SORCS2: variants seen among roughly 807,000 people sequenced by gnomAD.
SORCS2 encodes the protein VPS10 domain-containing receptor SorCS2.
In SORCS2, 100 loss-of-function variants were observed where a neutral mutation model predicts 141.6. That is an observed-to-expected ratio of 0.71 (90% confidence interval 0.60 to 0.83). The LOEUF (loss-of-function observed/expected upper bound fraction) is 0.83. Among genes scored for constraint, SORCS2 ranks in the 40% least tolerant of loss-of-function variants. The pLI is 0.00. For synonymous variants in SORCS2, 789 were observed against 676.9 expected (o/e 1.17, Z -2.57); for missense variants, 1,646 against 1,560.2 (o/e 1.05, Z -0.93).
chr4:7,424,612 C>T (rs1411172978), intron 2 of SORCS2, among the ~76,000 whole-genome samples: 5 of 152,186 alleles, frequency 3.3e-5, no homozygotes, highest in African/African-American at 1.2e-4. Flanking sequence ...GTGGCAGGAG[C>T]GCCCCCCTCT....
At chr4:7,506,787 T>C (rs1049886664) in intron 2 of SORCS2, among the ~76,000 whole-genome samples, 2 of 152,116 alleles carry the variant, frequency 1.3e-5, no homozygotes, top group Non-Finnish European at 2.9e-5. Context: ...TTCCTGGAGG[T>C]AGCAGACCCT....
chr4:7,676,407 G>A (rs893199447), intron 9 of SORCS2, among the ~76,000 whole-genome samples, 178 bp downstream of exon 9: 1 of 152,106 alleles, frequency 6.6e-6, no homozygotes, highest in African/African-American at 2.4e-5. Context: ...AGGCTATTAT[G>A]TAGGTATTTT....
At chr4:7,399,049 C>T (rs962759272) in intron 2 of SORCS2, among the ~76,000 whole-genome samples, 2 of 144,810 alleles carry the variant, frequency 1.4e-5, no homozygotes, top group African/African-American at 4.9e-5. Flanking sequence ...GGCATCATTG[C>T]TTTAATTTGC....
intron 1 of SORCS2, among the ~76,000 whole-genome samples, chr4:7,226,516 G>A (rs958177070): frequency 2.0e-5 from 3 of 152,178 alleles, no homozygotes; most frequent in Non-Finnish European, 4.4e-5. Flanking sequence ...GGGAATGTAT[G>A]AGGGGACTCA....
chr4:7,708,990 C>T (rs530517162), intron 14 of SORCS2, among the ~76,000 whole-genome samples: 1 of 152,332 alleles, frequency 6.6e-6, no homozygotes, highest in South Asian at 2.1e-4. Flanking sequence ...TGCCCAGTCT[C>T]GTGCCCCCGG....
chr4:7,657,952 G>A (rs1016533715), intron 5 of SORCS2, among the ~76,000 whole-genome samples: 1 of 151,772 alleles, frequency 6.6e-6, no homozygotes, highest in Non-Finnish European at 1.5e-5. Flanking sequence ...GTGAGTGGAC[G>A]AGTGATTAGT....
At chr4:7,558,378 T>G (rs796834401) in intron 3 of SORCS2, among the ~76,000 whole-genome samples, 11 of 152,172 alleles carry the variant, frequency 7.2e-5, no homozygotes, top group African/African-American at 2.7e-4. Flanking sequence ...ACCAAAAATG[T>G]ACCCAGACAT....
At chr4:7,443,769 G>C (rs554663183) in intron 2 of SORCS2, among the ~76,000 whole-genome samples, 1 of 152,218 alleles carries the variant, frequency 6.6e-6, no homozygotes, top group South Asian at 2.1e-4. Flanking sequence ...ACAGAATGCT[G>C]AACTGGCCAA....
At chr4:7,417,219 A>G (rs11728130) in intron 2 of SORCS2, among the ~76,000 whole-genome samples, 86,387 of 152,020 alleles carry the variant, frequency 0.57, 24,999 homozygotes, top group African/African-American at 0.67. Context: ...GAGTGGCATG[A>G]AGGGCGAGCT....
At chr4:7,529,310 T>A (rs1252759840) in intron 2 of SORCS2, among the ~76,000 whole-genome samples, 2 of 152,154 alleles carry the variant, frequency 1.3e-5, no homozygotes, top group Admixed American at 6.5e-5. Flanking sequence ...CCTACACCGT[T>A]GATTCTTCTT....
rs1339929013 is a variant in SORCS2 at position 7,741,225 on chromosome 4, C to G, written c.*961C>G. 3 of 398,716 alleles carry G rather than the reference C, an allele frequency of 7.5e-6. No individual in the cohort carries two copies. Among genetic ancestry groups the G allele is most frequent in the African/African-American group, 6.2e-5 (3 of 48,594 alleles). 24.7% of individuals were successfully genotyped at this position (398,716 alleles called of 1,614,324 possible). On this transcript the variant is annotated 3_prime_UTR_variant, in exon 27 of 27. Coordinates refer to ENST00000507866, the MANE Select transcript of SORCS2 (RefSeq NM_020777.3). ...CGAAGGGAACCGGGTGGAAACCAAG[C>G]TGGGAGAGGCTGAGGATGGCAGGGC...
At chr4:7,212,125 G>C (rs949012967) in intron 1 of SORCS2, among the ~76,000 whole-genome samples, 4 of 152,000 alleles carry the variant, frequency 2.6e-5, no homozygotes, top group Admixed American at 1.3e-4. Context: ...GAGGGCTGCA[G>C]AGGAAGTCTT....
At chr4:7,415,195 G>C (rs1443244136) in intron 2 of SORCS2, among the ~76,000 whole-genome samples, 1 of 152,218 alleles carries the variant, frequency 6.6e-6, no homozygotes, top group Non-Finnish European at 1.5e-5. Flanking sequence ...CCGTAAAAAT[G>C]ACCACAAACA....
At chr4:7,448,525 T>C (rs1234433230) in intron 2 of SORCS2, among the ~76,000 whole-genome samples, 2 of 140,568 alleles carry the variant, frequency 1.4e-5, no homozygotes, top group Non-Finnish European at 3.1e-5. Context: ...CCTCCCTTCC[T>C]CTCTTCCTTC....
chr4:7,313,531 G>A (rs866489866), intron 1 of SORCS2, among the ~76,000 whole-genome samples: 5 of 152,228 alleles, frequency 3.3e-5, no homozygotes, highest in Non-Finnish European at 5.9e-5. Context: ...TCCAGGCACG[G>A]GGAGGAAGGA....
chr4:7,697,996 G>C (rs896701579), intron 12 of SORCS2, among the ~76,000 whole-genome samples: 3 of 152,134 alleles, frequency 2.0e-5, no homozygotes, highest in African/African-American at 7.2e-5. Context: ...TGGCCCTCAG[G>C]GTGTGGAGAA....
chr4:7,278,755 G>A (rs150430408), intron 1 of SORCS2, among the ~76,000 whole-genome samples: 2 of 152,344 alleles, frequency 1.3e-5, no homozygotes, highest in Non-Finnish European at 2.9e-5. Flanking sequence ...TGTGTTTGCT[G>A]CCACCCAATG....
chr4:7,699,684 T>C lies in SORCS2; in HGVS notation c.1668+2410T>C, dbSNP rs564353406. On this transcript the variant is annotated intron_variant, in intron 12 of 26. Coordinates refer to ENST00000507866, the MANE Select transcript of SORCS2 (RefSeq NM_020777.3). ...AAGGGTGGGGAATCATGCTCGGGCA[T>C]GGCAGGTGGGCTTATCCACGAGGCC... Among the ~76,000 whole-genome samples, 10 of 152,184 alleles carry C rather than the reference T, an allele frequency of 6.6e-5. No homozygotes were observed. In the South Asian group the frequency reaches 2.1e-3, roughly 32 times the overall value.
intron 2 of SORCS2, among the ~76,000 whole-genome samples, chr4:7,484,051 G>A (rs1307150103): frequency 1.3e-5 from 2 of 152,196 alleles, no homozygotes; most frequent in East Asian, 3.9e-4. Flanking sequence ...CTTTCTTCGA[G>A]CATTTAAGTG....
Sources: allele counts gnomAD v4.1 joint callset (sites outside exome capture counted in the v4.1 genomes callset), GRCh38; gene constraint gnomAD v4.1.1; transcripts MANE v1.5; gene names NCBI Gene and HGNC (gene_info 2026-07-23, HGNC 2026-07-21).